ARHGAP12: variants seen among roughly 807,000 people sequenced by gnomAD.
ARHGAP12 encodes rho GTPase-activating protein 12.
ARHGAP12 carries 64 observed loss-of-function variants against 108.6 expected under a neutral mutation model. The observed-to-expected ratio is 0.59, with a 90% CI of 0.48 to 0.73. The LOEUF (loss-of-function observed/expected upper bound fraction) is 0.73, where lower values mean the gene tolerates loss of function less well. Ranked by LOEUF, ARHGAP12 falls within the 30% of genes least tolerant of loss-of-function variation. ARHGAP12 has a pLI of 0.00. For synonymous variants in ARHGAP12, 312 were observed against 337.2 expected (o/e 0.93, Z 0.82); for missense variants, 940 against 1,005.9 (o/e 0.93, Z 0.89).
chr10:31,862,705 GACACACACACACACACACAC>G (rs559731195), intron 3 of ARHGAP12, among the ~76,000 whole-genome samples: 14 of 133,096 alleles, frequency 1.1e-4, no homozygotes, highest in Non-Finnish European at 1.8e-4. Flanking sequence ...TGCACACACA[GACACACACACACACACACAC>G]ACACACACAC....
chr10:31,915,479 C>T (rs112756779), intron 1 of ARHGAP12, among the ~76,000 whole-genome samples: 9 of 151,012 alleles, frequency 6.0e-5, no homozygotes, highest in African/African-American at 2.2e-4. Context: ...AAAGGACATA[C>T]AATCATAGTC....
chr10:31,855,832 A>T (rs1374419191), intron 4 of ARHGAP12, among the ~76,000 whole-genome samples: 1 of 152,224 alleles, frequency 6.6e-6, no homozygotes, highest in African/African-American at 2.4e-5. Context: ...ATGTTCTACC[A>T]TGAAAAGTAA....
At chr10:31,854,312 T>G (rs965561110) in intron 4 of ARHGAP12, 106 bp from the exon 5 acceptor site, 1 of 950,602 alleles carries the variant, frequency 1.1e-6, no homozygotes, top group Admixed American at 3.2e-5. Context: ...TGAAGATATC[T>G]TAAATATATC....
chr10:31,844,099 T>C (rs1363211544), intron 6 of ARHGAP12, among the ~76,000 whole-genome samples: 1 of 152,188 alleles, frequency 6.6e-6, no homozygotes, highest in Non-Finnish European at 1.5e-5. Flanking sequence ...TCTTTACATG[T>C]TCTGGATTCT....
At chr10:31,914,044 T>C (rs891889996) in intron 1 of ARHGAP12, among the ~76,000 whole-genome samples, 1 of 152,208 alleles carries the variant, frequency 6.6e-6, no homozygotes, top group Non-Finnish European at 1.5e-5. Flanking sequence ...GTTGTCTCTA[T>C]GCAGCTTACA....
chr10:31,918,163 C>T (rs1839638589), intron 1 of ARHGAP12, among the ~76,000 whole-genome samples: 1 of 151,980 alleles, frequency 6.6e-6, no homozygotes, highest in African/African-American at 2.4e-5. Context: ...CTATGTTGCT[C>T]AGGCTAATTT....
chr10:31,922,102 G>A (rs1414523516), intron 1 of ARHGAP12, among the ~76,000 whole-genome samples: 1 of 144,316 alleles, frequency 6.9e-6, no homozygotes, highest in Non-Finnish European at 1.5e-5. Context: ...TGAGGCTTGT[G>A]TCCAGGAGGC....
chr10:31,843,806 G>A (rs1388704693), intron 6 of ARHGAP12, among the ~76,000 whole-genome samples: 1 of 152,146 alleles, frequency 6.6e-6, no homozygotes, highest in African/African-American at 2.4e-5. Context: ...CCAAGGTAGT[G>A]TTATCTTTGG....
chr10:31,846,347 T>C (rs1388991860), intron 6 of ARHGAP12, among the ~76,000 whole-genome samples: 1 of 152,234 alleles, frequency 6.6e-6, no homozygotes, highest in African/African-American at 2.4e-5. Context: ...GCAAGTTTTC[T>C]TATCACTTCC....
chr10:31,854,303 G>A (rs1836807359), intron 4 of ARHGAP12, 97 bp from the exon 5 acceptor site: 7 of 1,049,168 alleles, frequency 6.7e-6, no homozygotes, highest in Non-Finnish European at 8.0e-6. Flanking sequence ...CTATAAGTAT[G>A]AAGATATCTT....
chr10:31,806,772 A>G lies in ARHGAP12; in HGVS notation c.*886T>C, dbSNP rs1295160968. On this transcript the variant is annotated 3_prime_UTR_variant, in exon 20 of 20. Transcript: ENST00000344936. ...AGGAAACCTAATATTCACAGAAAAGATTACCAATAACAATGATTAGAAATG... is the reference window on the plus strand; with the variant it reads ...AGGAAACCTAATATTCACAGAAAAGGTTACCAATAACAATGATTAGAAATG... 1 of 152,612 alleles carries G rather than the reference A, an allele frequency of 6.6e-6. No individual in the cohort carries two copies. Among genetic ancestry groups the G allele is most frequent in the Non-Finnish European group, 1.5e-5 (1 of 68,020 alleles). The allele number at this position is 152,612 out of a possible 1,614,324, so 9.5% of individuals were successfully genotyped here. A position where few individuals can be genotyped will look rare whatever the true frequency, so the allele number is the denominator to read the frequency against.
At chr10:31,916,243 G>A (rs745793586) in intron 1 of ARHGAP12, among the ~76,000 whole-genome samples, 7 of 151,976 alleles carry the variant, frequency 4.6e-5, no homozygotes, top group East Asian at 1.9e-4. Context: ...GCTACACCCC[G>A]ATGCTGCTCT....
In ARHGAP12 at chr10:31,820,343, T is replaced by C. The variant is rs370386433; in HGVS notation, c.1632+44A>G. 95 of 1,454,550 alleles carry C rather than the reference T, an allele frequency of 6.5e-5. No individual in the cohort carries two copies. The African/African-American group carries it at 1.2e-3, about 18-fold the overall frequency. 90.1% of individuals were successfully genotyped at this position (1,454,550 alleles called of 1,614,324 possible). A position where few individuals can be genotyped will look rare whatever the true frequency, so the allele number is the denominator to read the frequency against. On this transcript the variant is annotated intron_variant, in intron 12 of 19. Coordinates refer to ENST00000344936, the MANE Select transcript of ARHGAP12 (RefSeq NM_018287.7). ...TAGCTCAAAAAACAGAACATCCAATTACTACAGTTTAGAATGTGTTATACT... is the reference window on the plus strand; with the variant it reads ...TAGCTCAAAAAACAGAACATCCAATCACTACAGTTTAGAATGTGTTATACT...
At chr10:31,875,407 C>T (rs1175297014) in intron 3 of ARHGAP12, among the ~76,000 whole-genome samples, 2 of 152,118 alleles carry the variant, frequency 1.3e-5, no homozygotes, top group Non-Finnish European at 2.9e-5. Flanking sequence ...GAAATGAAGT[C>T]ACTAAGCTTA....
intron 9 of ARHGAP12, among the ~76,000 whole-genome samples, chr10:31,834,221 C>T (rs1340978176): frequency 6.6e-6 from 1 of 152,134 alleles, no homozygotes; most frequent in African/African-American, 2.4e-5. Context: ...GTTTGTTTGC[C>T]TTATTGTACT....
intron 4 of ARHGAP12, among the ~76,000 whole-genome samples, chr10:31,857,398 G>C (rs375946715): frequency 9.5e-4 from 144 of 152,270 alleles, no homozygotes; most frequent in African/African-American, 3.0e-3. Context: ...ATACCAAATA[G>C]AAGCTGGATC....
At chr10:31,902,252 C>G (rs1403485529) in intron 3 of ARHGAP12, among the ~76,000 whole-genome samples, 1 of 151,228 alleles carries the variant, frequency 6.6e-6, no homozygotes, top group Non-Finnish European at 1.5e-5. Context: ...TTATTTTTAA[C>G]CAAGGTAGAA....
Position 31,843,530 on chromosome 10 carries a change from C to T in ARHGAP12, c.1227G>A (p.Arg409=), listed in dbSNP as rs574310564. 117 of 1,613,184 alleles carry T rather than the reference C, an allele frequency of 7.3e-5. 2 individuals are homozygous for T. The South Asian group carries it at 1.3e-3, about 17-fold the overall frequency. The change falls in exon 7 of 20, where the codon AGG becomes AGA. Residue 409 remains arginine, a synonymous_variant. Coordinates refer to ENST00000344936, the MANE Select transcript of ARHGAP12 (RefSeq NM_018287.7). ...TTAATACTATTGGTTCTTGCAGCCG[C>T]CTGTCCAGGCTCCTACTTTTAATTA... ...REIIKSRSLD[R]RLQEPIVLTK... is the part of the protein sequence containing the mutation.
upstream of ARHGAP12, chr10:31,928,842 G>C (rs1402448332): frequency 6.6e-6 from 1 of 151,658 alleles, no homozygotes; most frequent in Non-Finnish European, 1.5e-5. Flanking sequence ...AGGGCACGTC[G>C]GAGCGCGCCG....
Sources: gnomAD v4.1 joint callset for allele counts (sites outside exome capture counted in the v4.1 genomes callset) on GRCh38, gnomAD v4.1.1 for gene constraint, MANE v1.5 for transcripts, NCBI Gene and HGNC (gene_info 2026-07-23, HGNC 2026-07-21) for gene names.